Variants in MAPKAPK5 observed in about 807,000 individuals in gnomAD.
The protein encoded by MAPKAPK5 is MAPK activated protein kinase 5.
MAPKAPK5 carries 30 observed loss-of-function variants against 65.1 expected under a neutral mutation model. The ratio of observed to expected loss-of-function variants is 0.46; its 90% CI spans 0.34 to 0.63. The LOEUF (loss-of-function observed/expected upper bound fraction) is 0.63, where lower values mean the gene tolerates loss of function less well. MAPKAPK5 is among the 20% of genes least tolerant of loss of function. The pLI is 0.01. For synonymous variants in MAPKAPK5, 179 were observed against 204.6 expected, an observed-to-expected ratio of 0.87 and a Z score of 1.07; for missense variants, 433 against 581.4, an observed-to-expected ratio of 0.74 and a Z score of 2.63.
At position 111,855,197 on chromosome 12, in the gene MAPKAPK5, A is replaced by G. The variant is rs188916019; in HGVS notation, c.37-10053A>G. On this transcript the variant is annotated intron_variant, in intron 1 of 13. Coordinates refer to ENST00000550735, the MANE Select transcript of MAPKAPK5 (RefSeq NM_003668.4). The stretch of plus-strand genomic sequence containing the variant: ...GGTCAATTCAGCTAAAGGTTTGTTA[A>G]CTTTGTTGATCTTTTCAAATAATCA... 2.7e-3 allele frequency among the ~76,000 whole-genome samples: 416 copies of G among 151,952 alleles called. 1 individual carries two copies. The highest frequency in any genetic ancestry group is 4.9e-3 in the Non-Finnish European group (332 of 67,916).
chr12:111,855,408 T>A (rs1213670105), intron 1 of MAPKAPK5, among the ~76,000 whole-genome samples: 2 of 152,184 alleles, frequency 1.3e-5, no homozygotes, highest in Admixed American at 6.5e-5. Context: ...CAGCTATAAA[T>A]TTCTGTTTCA....
Position 111,898,283 on chromosome 12 carries a change from C to G in MAPKAPK5, c.*5222C>G, listed in dbSNP as rs1269276617. The G allele has an allele frequency of 6.6e-6, 1 of 151,952 alleles. No homozygotes were observed. The highest frequency in any genetic ancestry group is 2.4e-5 in the African/African-American group (1 of 41,308). The allele number at this position is 151,952 out of a possible 1,614,324, so 9.4% of individuals were successfully genotyped here. ...TCCTGGGTTCAAGCGATTCTCCTGC[C>G]TCACCTTCCTGAGTAGCTGAGATTA... On this transcript the variant is annotated 3_prime_UTR_variant, in exon 14 of 14. Transcript: ENST00000550735.
chr12:111,901,385 T>C lies in MAPKAPK5; in HGVS notation c.*8324T>C. On this transcript the variant is annotated 3_prime_UTR_variant, in exon 14 of 14. Transcript: ENST00000550735. ...GTAGTGTGGACAGTGGCCCTCCTGGTAAGCTAGGTGGGACACCTTCAGGAG... is the reference window on the plus strand; with the variant it reads ...GTAGTGTGGACAGTGGCCCTCCTGGCAAGCTAGGTGGGACACCTTCAGGAG... 4.4e-6 allele frequency: 2 copies of C among 456,032 alleles called. No homozygotes were observed. The highest frequency in any genetic ancestry group is 8.8e-6 in the Non-Finnish European group (2 of 226,776). The allele number at this position is 456,032 out of a possible 1,614,324, so 28.2% of individuals were successfully genotyped here.
At chr12:111,874,445 A>G (rs1264069893) in intron 7 of MAPKAPK5, among the ~76,000 whole-genome samples, 1 of 146,462 alleles carries the variant, frequency 6.8e-6, no homozygotes, top group Non-Finnish European at 1.5e-5. Context: ...TAGAAATACT[A>G]GTGTTTTTTG....
chr12:111,866,022 TGGG>T (rs1252781108), intron 2 of MAPKAPK5, 131 bp from the exon 3 acceptor site: 2 of 651,550 alleles, frequency 3.1e-6, no homozygotes, highest in African/African-American at 1.8e-5. Context: ...CTGCTACCCT[TGGG>T]GGCAAGTTTG....
intron 10 of MAPKAPK5, 139 bp downstream of exon 10, chr12:111,886,175 A>G (rs1473636890): frequency 7.7e-7 from 1 of 1,293,046 alleles, no homozygotes; most frequent in Non-Finnish European, 1.1e-6. Context: ...GTTTCCTGAG[A>G]GTCAGGATCC....
At chr12:111,884,376 C>T (rs555873166) in intron 9 of MAPKAPK5, among the ~76,000 whole-genome samples, 1 of 152,212 alleles carries the variant, frequency 6.6e-6, no homozygotes, top group East Asian at 1.9e-4. Flanking sequence ...ACGCCCAGCT[C>T]ATTTTTGTAT....
chr12:111,857,479 C>G (rs540702050), intron 1 of MAPKAPK5, among the ~76,000 whole-genome samples: 2 of 152,150 alleles, frequency 1.3e-5, no homozygotes, highest in Non-Finnish European at 2.9e-5. Flanking sequence ...TCTTGAACTC[C>G]TGACCTCAGG....
rs775366331 is a variant in MAPKAPK5 at position 111,883,778 on chromosome 12, C to T, written c.848+10C>T. The T allele has an allele frequency of 8.1e-6, 13 of 1,610,362 alleles. No homozygotes were observed. The highest frequency in any genetic ancestry group is 3.3e-4 in the Middle Eastern group (2 of 6,016). On this transcript the variant is annotated intron_variant, in intron 9 of 13. Coordinates refer to ENST00000550735, the MANE Select transcript of MAPKAPK5 (RefSeq NM_003668.4). This position sits in a 1 kb window ranked among gnomAD's most constrained non-coding sequence, Gnocchi z 4.8. The stretch of plus-strand genomic sequence containing the variant: ...AAGATGTTGTGAGGAAGTGAGTTCA[C>T]GGGCTGCTGGGCATGGAGGCCAAGG...
At position 111,842,748 on chromosome 12, in the gene MAPKAPK5, C is replaced by A; in HGVS notation, c.15C>A (p.Ser5Arg). Residue 5 changes from serine (S) to arginine (R), a missense_variant, in exon 1 of 14, where the codon AGC becomes AGA. Ser to Arg is a moderately radical substitution (Grantham distance 110). Around this residue, in one of 3 missense-constraint regions of MAPKAPK5, gnomAD observed 165 missense variants for 180.0 expected, o/e 0.92. Coordinates refer to ENST00000550735, the MANE Select transcript of MAPKAPK5 (RefSeq NM_003668.4). MSEE[S>R]DMDKAIKETS... is the part of the protein sequence containing the mutation. ...CCCCACTGAGTATGTCGGAGGAGAG[C>A]GACATGGACAAAGCCATCAAGGTAA... 1.5e-6 allele frequency: 2 copies of A among 1,351,174 alleles called. No homozygotes were observed. The highest frequency in any genetic ancestry group is 1.9e-6 in the Non-Finnish European group (2 of 1,044,396). The allele number at this position is 1,351,174 out of a possible 1,614,324, so 83.7% of individuals were successfully genotyped here.
At chr12:111,852,621 A>G (rs190824967) in intron 1 of MAPKAPK5, among the ~76,000 whole-genome samples, 1 of 152,328 alleles carries the variant, frequency 6.6e-6, no homozygotes, top group Non-Finnish European at 1.5e-5. Flanking sequence ...CCAGGGTGTC[A>G]GTGCCCTTAA....
At chr12:111,854,200 A>G (rs1281510202) in intron 1 of MAPKAPK5, among the ~76,000 whole-genome samples, 1 of 151,722 alleles carries the variant, frequency 6.6e-6, no homozygotes, top group Non-Finnish European at 1.5e-5. Flanking sequence ...GATCATTACT[A>G]TGAACATAGT....
At chr12:111,855,688 A>G (rs570954680) in intron 1 of MAPKAPK5, among the ~76,000 whole-genome samples, 9 of 151,870 alleles carry the variant, frequency 5.9e-5, no homozygotes, top group African/African-American at 2.2e-4. Flanking sequence ...TTAGCTGGGC[A>G]TGGTGGTGTG....
In MAPKAPK5 at chr12:111,901,895, A is replaced by G. The variant is rs554792158; in HGVS notation, c.*8834A>G. 1 of 154,374 alleles carries G rather than the reference A, an allele frequency of 6.5e-6. No homozygotes were observed. Among genetic ancestry groups the G allele is most frequent in the Non-Finnish European group, 1.4e-5 (1 of 69,518 alleles). The allele number at this position is 154,374 out of a possible 1,614,324, so 9.6% of individuals were successfully genotyped here. ...AATTTACATTAATTTAATATGTTAAATATTTTAGTACCTTTTGCTTTTTCA... is the reference window on the plus strand; with the variant it reads ...AATTTACATTAATTTAATATGTTAAGTATTTTAGTACCTTTTGCTTTTTCA... On this transcript the variant is annotated 3_prime_UTR_variant, in exon 14 of 14. Coordinates refer to ENST00000550735, the MANE Select transcript of MAPKAPK5 (RefSeq NM_003668.4).
chr12:111,850,903 T>TTTTC (rs1555267538), intron 1 of MAPKAPK5, among the ~76,000 whole-genome samples: 57 of 139,398 alleles, frequency 4.1e-4, no homozygotes, highest in East Asian at 1.3e-3. Context: ...CATTTTCTTT[T>TTTTC]TTTTTTTTTT....
intron 2 of MAPKAPK5, 92 bp downstream of exon 2, chr12:111,865,415 C>T: frequency 1.2e-6 from 1 of 836,284 alleles, no homozygotes; most frequent in Non-Finnish European, 2.0e-6. Flanking sequence ...TTAGACACAT[C>T]AGGTGTGCCA....
Position 111,900,134 on chromosome 12 carries a change from A to C in MAPKAPK5, c.*7073A>C, listed in dbSNP as rs1306354584. The stretch of plus-strand genomic sequence containing the variant: ...AGATTTGGACCGAGGGGGACCTAAT[A>C]GATGTCACAGTGGACTTGCAAATCA... On this transcript the variant is annotated 3_prime_UTR_variant, in exon 14 of 14. Transcript: ENST00000550735. The C allele has an allele frequency of 4.4e-6, 2 of 456,094 alleles. No homozygotes were observed. The highest frequency in any genetic ancestry group is 4.7e-5 in the Admixed American group (2 of 42,576). 28.3% of individuals were successfully genotyped at this position (456,094 alleles called of 1,614,324 possible). A position where few individuals can be genotyped will look rare whatever the true frequency, so the allele number is the denominator to read the frequency against.
At chr12:111,892,605 A>C (rs1010181435) in intron 13 of MAPKAPK5, among the ~76,000 whole-genome samples, 4 of 152,146 alleles carry the variant, frequency 2.6e-5, no homozygotes, top group African/African-American at 9.7e-5. Flanking sequence ...TGAAGTACCT[A>C]TTCAAGTCTT....
intron 4 of MAPKAPK5, 136 bp from the exon 5 acceptor site, chr12:111,868,617 T>C: frequency 1.5e-6 from 1 of 673,954 alleles, no homozygotes; most frequent in Non-Finnish European, 2.5e-6. Context: ...AGTAACTGTG[T>C]TACCCTGGAC....
Sources: gnomAD v4.1 joint callset for allele counts (sites outside exome capture counted in the v4.1 genomes callset) on GRCh38, gnomAD v4.1.1 for gene constraint, gnomAD v4.1.1 regional missense constraint, Gnocchi (gnomAD v3.1) non-coding constraint, MANE v1.5 for transcripts, NCBI Gene and HGNC (gene_info 2026-07-23, HGNC 2026-07-21) for gene names.